NLRC5: variants seen among roughly 807,000 people sequenced by gnomAD.
NLRC5 encodes protein NLRC5.
Under a neutral mutation model 206.9 loss-of-function variants are expected in NLRC5, and 114 were observed. The observed-to-expected ratio is 0.55, with a 90% CI of 0.47 to 0.64. NLRC5 has a LOEUF of 0.64. NLRC5 is among the 30% of genes least tolerant of loss of function. The probability of loss-of-function intolerance (pLI) is 0.00; values close to 1 mark genes in which losing one functional copy is unlikely to be tolerated. For synonymous variants in NLRC5, 952 were observed against 962.8 expected (o/e 0.99, Z 0.21); for missense variants, 2,008 against 2,305.5 (o/e 0.87, Z 2.64).
Position 57,046,561 on chromosome 16 carries a change from G to GGCCACTGGATCTTT in NLRC5, c.3263_3276dup (p.Asp1093LeufsTer14). On this transcript the variant is annotated frameshift_variant, in exon 22 of 49. Transcript: ENST00000688547. LOFTEE classifies it high-confidence loss of function. ...ATGATCCCCCTCCTAGGGATATGTG[G>GGCCACTGGATCTTT]GCCACTGGATCTTTGCCAGACTTCC... 3 of 1,613,772 alleles carry GGCCACTGGATCTTT rather than the reference G, an allele frequency of 1.9e-6. No individual in the cohort carries two copies. The highest frequency in any genetic ancestry group is 2.5e-6 in the Non-Finnish European group (3 of 1,179,772).
chr16:57,013,394 C>A, intron 1 of NLRC5: 2 of 631,628 alleles, frequency 3.2e-6, no homozygotes, highest in South Asian at 3.5e-5. Flanking sequence ...AGCTGTTGAA[C>A]AATTTCTTAT....
At chr16:57,053,765 G>A (rs2065238015) in intron 24 of NLRC5, among the ~76,000 whole-genome samples, 2 of 152,162 alleles carry the variant, frequency 1.3e-5, no homozygotes, top group African/African-American at 4.8e-5. Flanking sequence ...CCGACCTCAA[G>A]TGATCCGCCC....
intron 2 of NLRC5, among the ~76,000 whole-genome samples, chr16:57,017,589 T>C (rs13330423): frequency 0.56 from 84,821 of 151,976 alleles, 23,757 homozygotes; most frequent in Admixed American, 0.61. Context: ...TGACTGGGAT[T>C]GCTCCTCCAC....
intron 17 of NLRC5, 48 bp downstream of exon 17, chr16:57,040,766 TC>T (rs1268161784): frequency 6.4e-7 from 1 of 1,572,012 alleles, no homozygotes; most frequent in South Asian, 1.1e-5. Context: ...CCCCCTCCCT[TC>T]CCCTGCTCAG....
At position 57,061,631 on chromosome 16, in the gene NLRC5, T is replaced by C. The variant is rs2144681778; in HGVS notation, c.4084T>C (p.Cys1362Arg). The change falls in exon 32 of 49, where the codon TGC becomes CGC. Residue 1362 changes from cysteine to arginine, a missense_variant. By Grantham distance (180) the Cys-to-Arg change is radical. Coordinates refer to ENST00000688547, the MANE Select transcript of NLRC5 (RefSeq NM_001384950.1). ...QLTELTLTQC[C>R]LGQKQLAILL... The stretch of plus-strand genomic sequence containing the variant: ...CTCTGTCTCCAGGCTGACCCAGTGC[T>C]GCCTGGGCCAGAAGCAGCTGGCCAT... 6.2e-7 allele frequency: 1 copy of C among 1,610,454 alleles called. No homozygotes were observed.
In NLRC5 at chr16:57,083,158, G is replaced by A. The variant is rs2069336935; in HGVS notation, c.*630G>A. ...GGGCCAGGGCTCTGGAACAAGCCAG[G>A]GACTCAGCCATTAAGTCCCCTCCTG... On this transcript the variant is annotated 3_prime_UTR_variant, in exon 49 of 49. Coordinates refer to ENST00000688547, the MANE Select transcript of NLRC5 (RefSeq NM_001384950.1). 6.6e-6 allele frequency: 1 copy of A among 152,326 alleles called. No individual in the cohort carries two copies. The highest frequency in any genetic ancestry group is 1.5e-5 in the Non-Finnish European group (1 of 68,156). The allele number at this position is 152,326 out of a possible 1,614,324, so 9.4% of individuals were successfully genotyped here.
chr16:57,079,371 G>A, intron 45 of NLRC5, 79 bp downstream of exon 45: 1 of 1,533,286 alleles, frequency 6.5e-7, no homozygotes, highest in South Asian at 1.1e-5. Context: ...CTAACACCTG[G>A]GGAGGCCTTT....
At chr16:57,022,458 T>C (rs2060783245) in intron 4 of NLRC5, 143 bp downstream of exon 4, 2 of 673,526 alleles carry the variant, frequency 3.0e-6, no homozygotes, top group East Asian at 2.9e-5. Flanking sequence ...CCCTGACCCA[T>C]TTGCAAGTGT....
chr16:57,017,617 A>G (rs1597172875), intron 2 of NLRC5, among the ~76,000 whole-genome samples: 1 of 152,266 alleles, frequency 6.6e-6, no homozygotes, highest in South Asian at 2.1e-4. Flanking sequence ...TGTCTCCCAC[A>G]CTCAGGCTAA....
chr16:57,011,072 C>T (rs2059442001), intron 1 of NLRC5, among the ~76,000 whole-genome samples: 3 of 152,130 alleles, frequency 2.0e-5, no homozygotes, highest in Non-Finnish European at 4.4e-5. Flanking sequence ...TCTATGTATG[C>T]AAATACACAC....
At chr16:56,995,019 A>G in intron 1 of NLRC5, among the ~76,000 whole-genome samples, 1 of 152,134 alleles carries the variant, frequency 6.6e-6, no homozygotes, top group East Asian at 1.9e-4. Context: ...TCCTAAAAAT[A>G]CAAAAATAGC....
At chr16:57,075,726 A>T (rs1466769790) in intron 39 of NLRC5, among the ~76,000 whole-genome samples, 1 of 152,114 alleles carries the variant, frequency 6.6e-6, no homozygotes, top group East Asian at 1.9e-4. Context: ...ACTAAAAACA[A>T]ATCCAAGCAG....
intron 19 of NLRC5, among the ~76,000 whole-genome samples, chr16:57,043,210 G>C (rs1245884254): frequency 6.6e-6 from 1 of 152,160 alleles, no homozygotes; most frequent in Non-Finnish European, 1.5e-5. Context: ...GTGGAGAAAA[G>C]GAGGCCCAGC....
chr16:57,054,979 G>A (rs1378725826), intron 25 of NLRC5, 53 bp from the exon 26 acceptor site: 2 of 1,609,520 alleles, frequency 1.2e-6, no homozygotes, highest in Admixed American at 3.3e-5. Flanking sequence ...GCCCCGTGGG[G>A]GCATCCTGAG....
chr16:57,062,083 T>C (rs1170962815), intron 32 of NLRC5: 1 of 1,245,976 alleles, frequency 8.0e-7, no homozygotes, highest in Non-Finnish European at 1.0e-6. Context: ...TTTTTAAAAC[T>C]CCTATTCCCA....
intron 15 of NLRC5, among the ~76,000 whole-genome samples, chr16:57,039,397 G>A (rs2062999276): frequency 6.6e-6 from 1 of 152,208 alleles, no homozygotes; most frequent in African/African-American, 2.4e-5. Flanking sequence ...GCAGGGGGAT[G>A]GAACTTGAGA....
chr16:57,033,351 T>G (rs2062100163), intron 11 of NLRC5, among the ~76,000 whole-genome samples: 1 of 152,256 alleles, frequency 6.6e-6, no homozygotes, highest in Admixed American at 6.5e-5. Flanking sequence ...CCGACTGCAG[T>G]GATTTGCCCA....
intron 13 of NLRC5, among the ~76,000 whole-genome samples, chr16:57,035,668 G>C (rs915247647): frequency 2.0e-5 from 3 of 152,162 alleles, no homozygotes; most frequent in Non-Finnish European, 4.4e-5. Context: ...CCGACTCCCA[G>C]ACTAGGTCAG....
rs764814774 is a variant in NLRC5 at position 57,059,509 on chromosome 16, G to C, written c.3963G>C (p.Glu1321Asp). 1 of 1,612,126 alleles carries C rather than the reference G, an allele frequency of 6.2e-7. No individual in the cohort carries two copies. The highest frequency in any genetic ancestry group is 2.2e-5 in the East Asian group (1 of 44,868). ...GCTTCCGGATTCACTTCTCCAGAGAGGACCAGGCTGGGAAGACACTCAGGT... is the reference window on the plus strand; with the variant it reads ...GCTTCCGGATTCACTTCTCCAGAGACGACCAGGCTGGGAAGACACTCAGGT... The part of the protein sequence containing the change: ...EQSFRIHFSR[E>D]DQAGKTLRLS... Residue 1321 changes from glutamate to aspartate, a missense_variant, in exon 30 of 49, where the codon GAG (glutamate) becomes GAC (aspartate). Transcript: ENST00000688547.
Sources: allele counts gnomAD v4.1 joint callset (sites outside exome capture counted in the v4.1 genomes callset), GRCh38; gene constraint gnomAD v4.1.1; transcripts MANE v1.5; gene names NCBI Gene and HGNC (gene_info 2026-07-23, HGNC 2026-07-21).